PAPSS1: variants seen among roughly 807,000 people sequenced by gnomAD.
PAPSS1 encodes bifunctional 3'-phosphoadenosine 5'-phosphosulfate synthase 1.
PAPSS1 carries 50 observed loss-of-function variants against 72.0 expected under a neutral mutation model. The observed-to-expected ratio is 0.69, with a 90% confidence interval of 0.55 to 0.88. The LOEUF (loss-of-function observed/expected upper bound fraction) is 0.88. PAPSS1 is among the 40% of genes least tolerant of loss of function. The pLI is 0.00. For synonymous variants in PAPSS1, 261 were observed against 263.6 expected (o/e 0.99, Z 0.09); for missense variants, 657 against 782.2 (o/e 0.84, Z 1.91).
intron 1 of PAPSS1, among the ~76,000 whole-genome samples, chr4:107,706,820 AC>A (rs1368327612): frequency 6.6e-6 from 1 of 152,204 alleles, no homozygotes; most frequent in Non-Finnish European, 1.5e-5. Context: ...GGCATGGTGC[AC>A]AGGCAGGCTT....
chr4:107,684,134 G>A (rs953830073), intron 4 of PAPSS1, among the ~76,000 whole-genome samples: 3 of 152,142 alleles, frequency 2.0e-5, no homozygotes, highest in African/African-American at 7.2e-5. Flanking sequence ...AGACCCAAGA[G>A]CATTGTGGAC....
Position 107,687,054 on chromosome 4 carries a change from C to G in PAPSS1, c.535G>C (p.Ala179Pro). ...DVKGLYKKAR[A>P]GEIKGFTGID... The stretch of plus-strand genomic sequence containing the variant: ...TATTACTGACCTTTAATTTCTCCTG[C>G]CCGGGCTTTTTTGTAGAGTCCTTTG... The change falls in exon 4 of 12, where the codon GCA (alanine) becomes CCA (proline). Residue 179 changes from alanine to proline, a missense_variant. Physicochemically the swap from Ala to Pro is conservative, Grantham distance 27. This residue lies in a region of PAPSS1 where 119 missense variants were observed against 171.1 expected (regional missense o/e 0.70). Coordinates refer to ENST00000265174, the MANE Select transcript of PAPSS1 (RefSeq NM_005443.5). The G allele has an allele frequency of 6.3e-7, 1 of 1,597,528 alleles. No homozygotes were observed. Among genetic ancestry groups the G allele is most frequent in the Non-Finnish European group, 8.5e-7 (1 of 1,174,650 alleles).
intron 4 of PAPSS1, among the ~76,000 whole-genome samples, chr4:107,682,854 T>G (rs1478739503): frequency 1.3e-5 from 2 of 152,182 alleles, no homozygotes; most frequent in African/African-American, 4.8e-5. Context: ...GATAACAAGT[T>G]TTAAGACAAA....
intron 9 of PAPSS1, among the ~76,000 whole-genome samples, chr4:107,648,039 C>A (rs1726738912): frequency 6.6e-6 from 1 of 152,124 alleles, no homozygotes; most frequent in Non-Finnish European, 1.5e-5. Flanking sequence ...TGGGTCTGGC[C>A]CCCAAAGCCT....
At chr4:107,720,005 T>C in intron 1 of PAPSS1, 115 bp downstream of exon 1, 1 of 1,511,360 alleles carries the variant, frequency 6.6e-7, no homozygotes, top group African/African-American at 1.4e-5. Flanking sequence ...GGAACCCACC[T>C]CCGCGCTCCT....
intron 11 of PAPSS1, among the ~76,000 whole-genome samples, chr4:107,616,980 C>A (rs1422956327): frequency 6.6e-6 from 1 of 152,132 alleles, no homozygotes; most frequent in Non-Finnish European, 1.5e-5. Flanking sequence ...CCTCACTCAC[C>A]TCCACACTAG....
chr4:107,656,218 C>T (rs189430792), intron 7 of PAPSS1, among the ~76,000 whole-genome samples: 174 of 152,140 alleles, frequency 1.1e-3, no homozygotes, highest in East Asian at 7.2e-3. Flanking sequence ...TAGGTTCAAG[C>T]GATTCTCCTG....
At position 107,614,171 on chromosome 4, in the gene PAPSS1, A is replaced by G. The variant is rs1453618233; in HGVS notation, c.*78T>C. 4 of 1,437,656 alleles carry G rather than the reference A, an allele frequency of 2.8e-6. No individual in the cohort carries two copies. In the African/African-American group the frequency reaches 4.3e-5, roughly 15 times the overall value. The allele number at this position is 1,437,656 out of a possible 1,614,324, so 89.1% of individuals were successfully genotyped here. On this transcript the variant is annotated 3_prime_UTR_variant, in exon 12 of 12. Transcript: ENST00000265174. The stretch of plus-strand genomic sequence containing the variant: ...GAAGCATGTCCAGACAGACACCACA[A>G]AGAAATGCCAACAGAGACTATGTGG...
At chr4:107,672,454 G>A (rs111374276) in intron 5 of PAPSS1, among the ~76,000 whole-genome samples, 1,664 of 152,272 alleles carry the variant, frequency 0.011, 34 homozygotes, top group African/African-American at 0.036. Context: ...CTATGCCCAC[G>A]GAGCCTCGCT....
At chr4:107,710,514 TG>T (rs1723461834) in intron 1 of PAPSS1, among the ~76,000 whole-genome samples, 1 of 49,328 alleles carries the variant, frequency 2.0e-5, no homozygotes, top group Non-Finnish European at 1.1e-4. Context: ...CAGCTCATGC[TG>T]GGGTCCGAAG....
chr4:107,659,415 T>A lies in PAPSS1; in HGVS notation c.783+544A>T, dbSNP rs1332363084. Among the ~76,000 whole-genome samples, 4 of 152,336 alleles carry A rather than the reference T, an allele frequency of 2.6e-5. No homozygotes were observed. The South Asian group carries it at 6.2e-4, about 24-fold the overall frequency. On this transcript the variant is annotated intron_variant, in intron 6 of 11. Coordinates refer to ENST00000265174, the MANE Select transcript of PAPSS1 (RefSeq NM_005443.5). ...TTTTAATCTCCCTTTTTTTAAAGTATACATAAATGATACAACTTAAAATTC... is the reference window on the plus strand; with the variant it reads ...TTTTAATCTCCCTTTTTTTAAAGTAAACATAAATGATACAACTTAAAATTC...
At chr4:107,696,745 A>T (rs574140906) in intron 2 of PAPSS1, among the ~76,000 whole-genome samples, 39 of 149,090 alleles carry the variant, frequency 2.6e-4, no homozygotes, top group African/African-American at 6.9e-4. Flanking sequence ...AGAAAAATTT[A>T]AAAAAAAAAG....
chr4:107,642,361 T>C (rs958524784), intron 10 of PAPSS1, among the ~76,000 whole-genome samples: 1 of 152,206 alleles, frequency 6.6e-6, no homozygotes, highest in African/African-American at 2.4e-5. Context: ...CATTTACTAA[T>C]ACTATGTGAT....
At chr4:107,619,398 C>T (rs532627997) in intron 11 of PAPSS1, among the ~76,000 whole-genome samples, 5 of 152,148 alleles carry the variant, frequency 3.3e-5, no homozygotes, top group South Asian at 2.1e-4. Flanking sequence ...ACCCTGGCTA[C>T]GGAAAACACA....
Position 107,659,954 on chromosome 4 carries a change from CT to C in PAPSS1, c.783+4del. On this transcript the variant is annotated splice_donor_region_variant and intron_variant, in intron 6 of 11. Transcript: ENST00000265174. ...ACTTAGTGTGAAAAGCAACGAAGAACTTACTTTATTAATTTTCAGTGCTGGT... is the reference window on the plus strand; with the variant it reads ...ACTTAGTGTGAAAAGCAACGAAGAACTACTTTATTAATTTTCAGTGCTGGT... 1 of 1,498,316 alleles carries C rather than the reference CT, an allele frequency of 6.7e-7. No homozygotes were observed. Among genetic ancestry groups the C allele is most frequent in the Non-Finnish European group, 9.3e-7 (1 of 1,077,782 alleles). 92.8% of individuals were successfully genotyped at this position (1,498,316 alleles called of 1,614,324 possible). A position where few individuals can be genotyped will look rare whatever the true frequency, so the allele number is the denominator to read the frequency against.
chr4:107,719,609 C>T (rs1405717590), intron 1 of PAPSS1, among the ~76,000 whole-genome samples: 1 of 152,206 alleles, frequency 6.6e-6, no homozygotes, highest in African/African-American at 2.4e-5. Context: ...TCCTTTCACA[C>T]TGAAACTCAG....
chr4:107,675,698 T>A (rs1428416956), intron 5 of PAPSS1, among the ~76,000 whole-genome samples: 1 of 152,136 alleles, frequency 6.6e-6, no homozygotes, highest in Non-Finnish European at 1.5e-5. Flanking sequence ...GCCAGCATCA[T>A]CCTGCTACCA....
intron 10 of PAPSS1, among the ~76,000 whole-genome samples, chr4:107,636,388 A>G (rs566347085): frequency 6.6e-6 from 1 of 152,328 alleles, no homozygotes; most frequent in East Asian, 1.9e-4. Context: ...AATGTTGGGG[A>G]GAAACGAAAC....
At chr4:107,712,144 A>G (rs932499127) in intron 1 of PAPSS1, among the ~76,000 whole-genome samples, 1 of 152,226 alleles carries the variant, frequency 6.6e-6, no homozygotes, top group African/African-American at 2.4e-5. Flanking sequence ...TTTTTATATC[A>G]GTACCTTTAA....
Sources: allele counts gnomAD v4.1 joint callset (sites outside exome capture counted in the v4.1 genomes callset), GRCh38; gene constraint gnomAD v4.1.1; regional missense constraint gnomAD v4.1.1; transcripts MANE v1.5; gene names NCBI Gene and HGNC (gene_info 2026-07-23, HGNC 2026-07-21).